Variants in DLGAP2 observed in about 807,000 individuals in gnomAD.
DLGAP2 encodes the protein disks large-associated protein 2.
DLGAP2 carries 26 observed loss-of-function variants against 100.3 expected under a neutral mutation model. The ratio of observed to expected loss-of-function variants is 0.26; its 90% confidence interval spans 0.19 to 0.36. The LOEUF (loss-of-function observed/expected upper bound fraction) is 0.36, where lower values mean the gene tolerates loss of function less well. DLGAP2 is among the 10% of genes least tolerant of loss of function. The pLI is 1.00. For synonymous variants in DLGAP2, 886 were observed against 630.1 expected (o/e 1.41, Z -6.08); for missense variants, 1,858 against 1,453.2 (o/e 1.28, Z -4.53).
chr8:1,519,527 C>T (rs1377338816), intron 4 of DLGAP2, among the ~76,000 whole-genome samples: 2 of 152,216 alleles, frequency 1.3e-5, no homozygotes, highest in African/African-American at 4.8e-5. Context: ...AAGAGACTTT[C>T]GTTAGAGAGG....
intron 1 of DLGAP2, among the ~76,000 whole-genome samples, chr8:856,992 A>G (rs1797291232): frequency 2.0e-5 from 3 of 152,250 alleles, no homozygotes; most frequent in South Asian, 4.1e-4. Context: ...ACAGTAATCA[A>G]GACAGTGTGG....
intron 2 of DLGAP2, among the ~76,000 whole-genome samples, chr8:1,193,030 C>G (rs966950779): frequency 8.5e-5 from 13 of 152,208 alleles, no homozygotes; most frequent in Non-Finnish European, 1.5e-4. Flanking sequence ...GCATAGTATT[C>G]CATGGTGTAT....
chr8:1,285,463 C>G (rs187590333), intron 3 of DLGAP2, among the ~76,000 whole-genome samples: 1 of 152,066 alleles, frequency 6.6e-6, no homozygotes, highest in African/African-American at 2.4e-5. Context: ...ATGAGTAGAG[C>G]CTGTCCTGGA....
At chr8:978,542 G>C in intron 2 of DLGAP2, among the ~76,000 whole-genome samples, 1 of 100,392 alleles carries the variant, frequency 1.0e-5, no homozygotes, top group East Asian at 3.2e-4. Context: ...TGCAGTGAGA[G>C]GGTGGGTTCT....
intron 2 of DLGAP2, among the ~76,000 whole-genome samples, chr8:1,184,227 T>G (rs1033569319): frequency 6.6e-6 from 1 of 152,232 alleles, no homozygotes; most frequent in African/African-American, 2.4e-5. Flanking sequence ...AAATTTAAGT[T>G]GCACTAAAGA....
At chr8:1,085,992 A>G (rs1430736980) in intron 2 of DLGAP2, among the ~76,000 whole-genome samples, 2 of 152,112 alleles carry the variant, frequency 1.3e-5, no homozygotes, top group African/African-American at 4.8e-5. Flanking sequence ...GGTTAAATTT[A>G]TGCCTAAGTA....
chr8:1,500,072 G>T (rs932111751), intron 3 of DLGAP2, among the ~76,000 whole-genome samples: 2 of 152,190 alleles, frequency 1.3e-5, no homozygotes, highest in Admixed American at 6.5e-5. Context: ...CATGCCTAGA[G>T]TCTGAACATG....
chr8:1,522,472 G>T (rs983401969), intron 4 of DLGAP2, among the ~76,000 whole-genome samples: 5 of 152,192 alleles, frequency 3.3e-5, no homozygotes, highest in African/African-American at 1.2e-4. Context: ...GCCAAGGCCA[G>T]TCAGAGCCTC....
chr8:1,286,838 G>A (rs1282456418), intron 3 of DLGAP2, among the ~76,000 whole-genome samples: 5 of 152,234 alleles, frequency 3.3e-5, no homozygotes, highest in Non-Finnish European at 7.3e-5. Context: ...TAGGCCGTAT[G>A]GGGAAAGTGA....
intron 8 of DLGAP2, among the ~76,000 whole-genome samples, chr8:1,641,884 GTCCTCACCTGTGTCA>G (rs1563275247): frequency 2.3e-5 from 3 of 128,836 alleles, no homozygotes; most frequent in African/African-American, 6.2e-5. Context: ...GAACCCGCCG[GTCCTCACCTGTGTCA>G]CCCTCGACCC....
chr8:764,410 C>T (rs1821158953), intron 1 of DLGAP2, among the ~76,000 whole-genome samples: 1 of 152,186 alleles, frequency 6.6e-6, no homozygotes, highest in South Asian at 2.1e-4. Flanking sequence ...TCAAAACTTA[C>T]ATAAACGCCT....
intron 1 of DLGAP2, among the ~76,000 whole-genome samples, chr8:813,362 C>T (rs1487329540): frequency 6.6e-6 from 1 of 151,758 alleles, no homozygotes; most frequent in African/African-American, 2.4e-5. Flanking sequence ...TGTTTATATT[C>T]ATATAAACAC....
intron 1 of DLGAP2, among the ~76,000 whole-genome samples, chr8:767,550 T>A (rs112475510): frequency 0.051 from 7,750 of 152,098 alleles, 665 homozygotes; most frequent in African/African-American, 0.18. Context: ...AGAGACGGGG[T>A]TTCACCATGT....
At chr8:1,147,026 C>T (rs1563215834) in intron 2 of DLGAP2, among the ~76,000 whole-genome samples, 1 of 144,414 alleles carries the variant, frequency 6.9e-6, no homozygotes, top group Non-Finnish European at 1.6e-5. Context: ...TTTTAAAGAA[C>T]AACTCATTGG....
rs193294280 is a variant in DLGAP2, at chr8:1,532,633, T to C, written c.173-15993T>C. Among the ~76,000 whole-genome samples the C allele has an allele frequency of 4.6e-5, 7 of 152,336 alleles. No individual in the cohort carries two copies. In the East Asian group the frequency reaches 1.4e-3, roughly 29 times the overall value. Reference sequence around the variant, plus strand: ...CTTTACTGCATCCTAATCATAACAGTATATTTTAATTTTTAATGTATGTAT... The same window carrying C: ...CTTTACTGCATCCTAATCATAACAGCATATTTTAATTTTTAATGTATGTAT... On this transcript the variant is annotated intron_variant, in intron 4 of 14. Transcript: ENST00000637795.
At chr8:890,602 T>C (rs953832638) in intron 1 of DLGAP2, among the ~76,000 whole-genome samples, 3 of 151,966 alleles carry the variant, frequency 2.0e-5, no homozygotes, top group Non-Finnish European at 2.9e-5. Context: ...TAATTCCTCC[T>C]TGCGCTTTCT....
chr8:1,209,499 A>C (rs138392942), intron 2 of DLGAP2, among the ~76,000 whole-genome samples: 3 of 152,174 alleles, frequency 2.0e-5, no homozygotes, highest in Non-Finnish European at 4.4e-5. Context: ...TGTTCTGTCA[A>C]TGTTTCTTGA....
intron 1 of DLGAP2, among the ~76,000 whole-genome samples, chr8:867,292 A>G (rs1294828854): frequency 6.6e-6 from 1 of 152,114 alleles, no homozygotes; most frequent in Non-Finnish European, 1.5e-5. Flanking sequence ...AATATGTTGA[A>G]CTCAAGTATG....
At chr8:1,661,611 C>A (rs189449797) in intron 8 of DLGAP2, among the ~76,000 whole-genome samples, 8 of 152,256 alleles carry the variant, frequency 5.3e-5, no homozygotes, top group African/African-American at 1.9e-4. Context: ...GAAGAGGCGG[C>A]CACCAGGAAG....
Sources: allele counts gnomAD v4.1 joint callset (sites outside exome capture counted in the v4.1 genomes callset), GRCh38; gene constraint gnomAD v4.1.1; transcripts MANE v1.5; gene names NCBI Gene and HGNC (gene_info 2026-07-23, HGNC 2026-07-21).